Variants in NAALADL2 observed in about 807,000 individuals in gnomAD.
NAALADL2 encodes the protein N-acetylated alpha-linked acidic dipeptidase like 2, also known as inactive N-acetylated-alpha-linked acidic dipeptidase-like protein 2.
A neutral mutation model predicts 87.2 loss-of-function variants in NAALADL2; 76 were observed. The observed-to-expected ratio is 0.87, with a 90% confidence interval of 0.72 to 1.05. NAALADL2 has a LOEUF of 1.05. Ranked by LOEUF, NAALADL2 falls within the 50% of genes least tolerant of loss-of-function variation. The pLI, the probability that NAALADL2 is intolerant of heterozygous loss-of-function variation, is 0.00. For synonymous variants in NAALADL2, 354 were observed against 331.0 expected (o/e 1.07, Z -0.75); for missense variants, 1,089 against 945.8 (o/e 1.15, Z -1.99).
intron 3 of NAALADL2, among the ~76,000 whole-genome samples, chr3:174,849,805 A>C (rs2109468179): frequency 6.6e-6 from 1 of 151,050 alleles, no homozygotes; most frequent in African/African-American, 2.4e-5. Context: ...GGTTAGGATC[A>C]TCATTATCAT....
intron 1 of NAALADL2, among the ~76,000 whole-genome samples, chr3:174,996,037 T>C (rs1352466570): frequency 2.6e-5 from 4 of 152,168 alleles, no homozygotes; most frequent in African/African-American, 9.6e-5. Context: ...ACATAGCAAG[T>C]AATTTTCTTC....
intron 1 of NAALADL2, among the ~76,000 whole-genome samples, chr3:175,053,019 G>A (rs1755624759): frequency 6.6e-6 from 1 of 152,158 alleles, no homozygotes; most frequent in South Asian, 2.1e-4. Context: ...GAATTGTTGT[G>A]CAGCACCTCT....
chr3:175,493,666 C>T (rs1054226212), intron 9 of NAALADL2, among the ~76,000 whole-genome samples: 1 of 152,078 alleles, frequency 6.6e-6, no homozygotes, highest in Admixed American at 6.6e-5. Flanking sequence ...TTTCCCTTAC[C>T]AAACATTATT....
At chr3:175,492,080 C>A (rs1044035582) in intron 9 of NAALADL2, among the ~76,000 whole-genome samples, 6 of 152,124 alleles carry the variant, frequency 3.9e-5, no homozygotes, top group Non-Finnish European at 5.9e-5. Flanking sequence ...ACAAATTGTT[C>A]AATACAGGCA....
intron 9 of NAALADL2, among the ~76,000 whole-genome samples, chr3:175,514,014 A>G (rs1731513643): frequency 6.6e-6 from 1 of 152,216 alleles, no homozygotes; most frequent in Non-Finnish European, 1.5e-5. Flanking sequence ...TTGAACAGAC[A>G]GCTTGCTTTC....
intron 2 of NAALADL2, among the ~76,000 whole-genome samples, chr3:174,562,577 T>C (rs1713758066): frequency 6.6e-6 from 1 of 152,154 alleles, no homozygotes; most frequent in African/African-American, 2.4e-5. Context: ...AATTTTTGAA[T>C]CAGTCATATA....
At chr3:174,657,937 A>G (rs1200127808) in intron 2 of NAALADL2, among the ~76,000 whole-genome samples, 1 of 152,096 alleles carries the variant, frequency 6.6e-6, no homozygotes, top group Non-Finnish European at 1.5e-5. Flanking sequence ...CATTTCCTCC[A>G]TGTATTTTCA....
chr3:175,481,250 A>G (rs1161483740), intron 9 of NAALADL2, among the ~76,000 whole-genome samples: 2 of 151,840 alleles, frequency 1.3e-5, no homozygotes, highest in East Asian at 3.9e-4. Flanking sequence ...ATTATTATAT[A>G]GCTATATTGC....
chr3:174,869,314 AAAG>A (rs1385170477), intron 1 of NAALADL2, among the ~76,000 whole-genome samples: 2 of 151,832 alleles, frequency 1.3e-5, no homozygotes, highest in Non-Finnish European at 2.9e-5. Context: ...AGAGTGGAAA[AAAG>A]AGGTAGTTAC....
chr3:174,957,952 T>C (rs1344907703), intron 1 of NAALADL2, among the ~76,000 whole-genome samples: 1 of 151,900 alleles, frequency 6.6e-6, no homozygotes, highest in African/African-American at 2.4e-5. Flanking sequence ...CCATTGCCAA[T>C]GTAGTTTGTT....
At chr3:174,616,124 T>C (rs1039045931) in intron 2 of NAALADL2, among the ~76,000 whole-genome samples, 1 of 151,918 alleles carries the variant, frequency 6.6e-6, no homozygotes, top group African/African-American at 2.4e-5. Context: ...TCTTAGAGTA[T>C]TTTTAGAGTG....
intron 2 of NAALADL2, among the ~76,000 whole-genome samples, chr3:175,222,544 G>A (rs1038146819): frequency 6.6e-6 from 1 of 152,110 alleles, no homozygotes; most frequent in African/African-American, 2.4e-5. Context: ...ATGTCCATAA[G>A]CAGAACAGGA....
At chr3:174,698,985 C>A (rs1422588446) in intron 2 of NAALADL2, among the ~76,000 whole-genome samples, 2 of 147,312 alleles carry the variant, frequency 1.4e-5, no homozygotes. Context: ...ATATACATTT[C>A]TTTTCATCAG....
At chr3:175,242,907 A>G (rs536728739) in intron 3 of NAALADL2, among the ~76,000 whole-genome samples, 5 of 152,342 alleles carry the variant, frequency 3.3e-5, no homozygotes, top group African/African-American at 1.2e-4. Flanking sequence ...CCTCATCTAT[A>G]AAAATATCTA....
chr3:174,647,215 G>A (rs1446415913), intron 2 of NAALADL2, among the ~76,000 whole-genome samples: 16 of 152,180 alleles, frequency 1.1e-4, no homozygotes, highest in Non-Finnish European at 1.5e-5. Context: ...TATAGGTGGT[G>A]AAATTAGACT....
intron 1 of NAALADL2, among the ~76,000 whole-genome samples, chr3:175,016,261 A>T (rs1040555911): frequency 1.4e-5 from 2 of 147,154 alleles, no homozygotes; most frequent in African/African-American, 2.5e-5. Flanking sequence ...TAAATTATTT[A>T]TATATATATA....
intron 1 of NAALADL2, among the ~76,000 whole-genome samples, chr3:174,499,187 G>C (rs1359894407): frequency 6.6e-6 from 1 of 152,008 alleles, no homozygotes; most frequent in Non-Finnish European, 1.5e-5. Flanking sequence ...GTGCTCCCTG[G>C]ATAAGGGGAA....
intron 1 of NAALADL2, among the ~76,000 whole-genome samples, chr3:174,909,996 A>T (rs143238435): frequency 9.9e-5 from 15 of 152,264 alleles, no homozygotes; most frequent in Non-Finnish European, 1.5e-4. Context: ...AATAGAGATT[A>T]TAAAGAATCA....
rs1376566145 is a variant in NAALADL2 at position 175,234,288 on chromosome 3, A to G, written c.819+84A>G. The G allele has an allele frequency of 9.4e-6, 13 of 1,387,842 alleles. No homozygotes were observed. In the African/African-American group the frequency reaches 1.9e-4, roughly 20 times the overall value. 86.0% of individuals were successfully genotyped at this position (1,387,842 alleles called of 1,614,324 possible). On this transcript the variant is annotated intron_variant, in intron 3 of 13. Coordinates refer to ENST00000454872, the MANE Select transcript of NAALADL2 (RefSeq NM_207015.3). ...TTCATCTAAATTGAACTAACTGTCA[A>G]GATGCAACATACAAAAGTAACCATT...
Sources: allele counts gnomAD v4.1 joint callset (sites outside exome capture counted in the v4.1 genomes callset), GRCh38; gene constraint gnomAD v4.1.1; transcripts MANE v1.5; gene names NCBI Gene and HGNC (gene_info 2026-07-23, HGNC 2026-07-21).